Variants in SPTAN1 observed in about 807,000 individuals in gnomAD.
SPTAN1 encodes spectrin alpha, non-erythrocytic 1.
A neutral mutation model predicts 331.3 loss-of-function variants in SPTAN1; 61 were observed. The ratio of observed to expected loss-of-function variants is 0.18; its 90% CI spans 0.15 to 0.23. SPTAN1 has a LOEUF of 0.23. Among genes scored for constraint, SPTAN1 ranks in the 10% least tolerant of loss-of-function variants. The pLI is 1.00. For missense variants in SPTAN1, 2,043 were observed against 3,147.9 expected, an observed-to-expected ratio of 0.65 and a Z score of 8.40; for synonymous variants, 1,153 against 1,173.9, an observed-to-expected ratio of 0.98 and a Z score of 0.36.
intron 18 of SPTAN1, among the ~76,000 whole-genome samples, 173 bp downstream of exon 18, chr9:128,585,016 T>C (rs759613428): frequency 5.9e-5 from 5 of 84,564 alleles, no homozygotes; most frequent in African/African-American, 2.1e-4. Flanking sequence ...CCTGAATTTC[T>C]TTTTTTTTTT....
chr9:128,597,445 G>C (rs1854460725), intron 24 of SPTAN1, among the ~76,000 whole-genome samples: 1 of 152,158 alleles, frequency 6.6e-6, no homozygotes, highest in African/African-American at 2.4e-5. Context: ...GATTGCTTGA[G>C]CCTGGGAGGT....
Position 128,568,753 on chromosome 9 carries a change from C to T in SPTAN1, c.238-19C>T. 6.2e-7 allele frequency: 1 copy of T among 1,613,834 alleles called. No homozygotes were observed. Among genetic ancestry groups the T allele is most frequent in the Non-Finnish European group, 8.5e-7 (1 of 1,179,896 alleles). On this transcript the variant is annotated intron_variant, in intron 2 of 56. Transcript: ENST00000372739. ...GCTGTGTGGTTGCGTCTGAGGCTCA[C>T]TTCAAGGTCCGCCAACAGGGAAAGC...
At chr9:128,588,230 T>C (rs1375276051) in intron 20 of SPTAN1, among the ~76,000 whole-genome samples, 1 of 151,686 alleles carries the variant, frequency 6.6e-6, no homozygotes, top group African/African-American at 2.4e-5. Flanking sequence ...ATTCCTGACC[T>C]CATGATCTGC....
chr9:128,584,546 T>G (rs1047696784), intron 17 of SPTAN1, 21 bp downstream of exon 17: 1 of 1,613,926 alleles, frequency 6.2e-7, no homozygotes. Flanking sequence ...TTCCCTCAGG[T>G]AGGAATCAAC....
chr9:128,574,597 T>G (rs1163104566), intron 3 of SPTAN1, 78 bp from the exon 4 acceptor site: 3 of 1,558,104 alleles, frequency 1.9e-6, no homozygotes, highest in Non-Finnish European at 2.7e-6. Flanking sequence ...GGTCTCTAAC[T>G]TGTCTAAACT....
chr9:128,623,737 G>A (rs185610118), intron 45 of SPTAN1, among the ~76,000 whole-genome samples: 1 of 151,048 alleles, frequency 6.6e-6, no homozygotes, highest in East Asian at 2.0e-4. Flanking sequence ...GCCTCCCAGA[G>A]TGCTAGGATT....
intron 25 of SPTAN1, 117 bp from the exon 26 acceptor site, chr9:128,598,846 A>ATT (rs1320985093): frequency 1.1e-6 from 1 of 948,856 alleles, no homozygotes; most frequent in Non-Finnish European, 1.7e-6. Context: ...TTGGACTGGC[A>ATT]TTTCCATTTG....
intron 45 of SPTAN1, chr9:128,621,876 C>T (rs1857908069): frequency 6.1e-6 from 1 of 162,996 alleles, no homozygotes; most frequent in South Asian, 1.6e-4. Context: ...AAGCTCTAGA[C>T]TGAAGGCAGT....
chr9:128,611,560 T>G (rs1856562759), intron 37 of SPTAN1, 154 bp from the exon 38 acceptor site: 1 of 840,630 alleles, frequency 1.2e-6, no homozygotes, highest in Non-Finnish European at 1.9e-6. Context: ...CTAAAATATT[T>G]CATACAAACT....
intron 19 of SPTAN1, among the ~76,000 whole-genome samples, chr9:128,587,174 C>T (rs553483624): frequency 6.6e-6 from 1 of 152,038 alleles, no homozygotes. Flanking sequence ...CAGCTTTGAC[C>T]TCCTGTGCTC....
At chr9:128,578,628 A>G (rs1368920381) in intron 9 of SPTAN1, among the ~76,000 whole-genome samples, 2 of 152,150 alleles carry the variant, frequency 1.3e-5, no homozygotes, top group African/African-American at 4.8e-5. Context: ...CAAGAGATCA[A>G]GACCATCCAT....
chr9:128,627,362 C>T lies in SPTAN1; in HGVS notation c.6577-24C>T. 1 of 1,542,270 alleles carries T rather than the reference C, an allele frequency of 6.5e-7. No individual in the cohort carries two copies. The highest frequency in any genetic ancestry group is 8.8e-7 in the Non-Finnish European group (1 of 1,139,066). On this transcript the variant is annotated intron_variant, in intron 49 of 56. Coordinates refer to ENST00000372739, the MANE Select transcript of SPTAN1 (RefSeq NM_001130438.3). The surrounding 1 kb of genome is among the most constrained non-coding windows in gnomAD (Gnocchi z 4.9). ...GTGTCACTGCCACAGCAGCGCACAG[C>T]ATCTGCCCCCCTTTGGCCCTCAGGA...
At chr9:128,556,558 G>C (rs143288401) in intron 1 of SPTAN1, among the ~76,000 whole-genome samples, 51 of 152,350 alleles carry the variant, frequency 3.3e-4, no homozygotes, top group Non-Finnish European at 4.9e-4. Flanking sequence ...TATTTGGGAA[G>C]CAATCAGAAG....
At chr9:128,570,328 ATATTTTTTTT>A (rs1198485540) in intron 3 of SPTAN1, among the ~76,000 whole-genome samples, 1,946 of 73,416 alleles carry the variant, frequency 0.027, 22 homozygotes, top group African/African-American at 0.077. Flanking sequence ...ATATATATAT[ATATTTTTTTT>A]TTTTTTTTTT....
chr9:128,582,324 A>T (rs558089748), intron 12 of SPTAN1, among the ~76,000 whole-genome samples, 155 bp from the exon 13 acceptor site: 1 of 8,892 alleles, frequency 1.1e-4, no homozygotes, highest in South Asian at 4.1e-3. Flanking sequence ...CTCAAAAGTT[A>T]TGAGAAAAAA....
chr9:128,562,714 C>T (rs201641556), intron 1 of SPTAN1, among the ~76,000 whole-genome samples: 1 of 99,498 alleles, frequency 1.0e-5, no homozygotes, highest in Non-Finnish European at 2.2e-5. Flanking sequence ...TTAAATATTA[C>T]AAAACTTTGG....
chr9:128,575,386 T>C (rs546192604), intron 5 of SPTAN1, 41 bp downstream of exon 5: 11 of 1,600,426 alleles, frequency 6.9e-6, no homozygotes, highest in African/African-American at 2.7e-5. Context: ...AACATTATTA[T>C]GTTAACTTTT....
At chr9:128,555,525 C>T (rs1162502863) in intron 1 of SPTAN1, 1 of 623,424 alleles carries the variant, frequency 1.6e-6, no homozygotes, top group Non-Finnish European at 2.3e-6. Context: ...GCCTGCATGA[C>T]GTTTCTGTTA....
intron 5 of SPTAN1, 32 bp from the exon 6 acceptor site, chr9:128,576,791 T>C (rs771450682): frequency 2.5e-5 from 41 of 1,612,126 alleles, no homozygotes; most frequent in South Asian, 4.4e-5. Context: ...AGAAGTTGTG[T>C]ACAAATCCAG....
Sources: allele counts gnomAD v4.1 joint callset (sites outside exome capture counted in the v4.1 genomes callset), GRCh38; gene constraint gnomAD v4.1.1; non-coding constraint Gnocchi (gnomAD v3.1); transcripts MANE v1.5; gene names NCBI Gene and HGNC (gene_info 2026-07-23, HGNC 2026-07-21).